Variants in GTF2H3 observed in about 807,000 individuals in gnomAD.
The protein encoded by GTF2H3 is TFIIH basal transcription factor complex p34 subunit.
Under a neutral mutation model 51.1 loss-of-function variants are expected in GTF2H3, and 42 were observed. The ratio of observed to expected loss-of-function variants is 0.82; its 90% CI spans 0.64 to 1.06. The LOEUF (loss-of-function observed/expected upper bound fraction) is 1.06, where lower values mean the gene tolerates loss of function less well. Ranked by LOEUF, GTF2H3 falls within the 50% of genes least tolerant of loss-of-function variation. The pLI is 0.00. For synonymous variants in GTF2H3, 123 were observed against 123.8 expected (o/e 0.99, Z 0.04); for missense variants, 326 against 366.1 (o/e 0.89, Z 0.89).
chr12:123,633,935 TG>T, intron 1 of GTF2H3, 63 bp downstream of exon 1: 1 of 1,553,836 alleles, frequency 6.4e-7, no homozygotes, highest in Non-Finnish European at 8.9e-7. Flanking sequence ...CGGCTACGAC[TG>T]GCCAGATGGA....
chr12:123,641,526 C>T (rs1382400568), intron 2 of GTF2H3, among the ~76,000 whole-genome samples: 3 of 144,282 alleles, frequency 2.1e-5, no homozygotes, highest in African/African-American at 5.5e-5. Flanking sequence ...TGTCTGCCCC[C>T]GTTTTTTTTT....
chr12:123,654,323 G>T (rs998465662), intron 7 of GTF2H3, among the ~76,000 whole-genome samples: 3 of 150,080 alleles, frequency 2.0e-5, no homozygotes, highest in Admixed American at 6.7e-5. Context: ...GTATTTGGTT[G>T]TGTGTGTGTG....
Position 123,661,528 on chromosome 12 carries a change from C to T in GTF2H3, c.*1293C>T, listed in dbSNP as rs1242153372. On this transcript the variant is annotated 3_prime_UTR_variant, in exon 13 of 13. Transcript: ENST00000543341. ...AAGTAGCAGGTGCCTGTAGTTCCAG[C>T]TACTCGGGAGGCTGAGGCAAGAGAA... The T allele has an allele frequency of 6.6e-6, 1 of 151,964 alleles. No homozygotes were observed. The allele number at this position is 151,964 out of a possible 1,614,324, so 9.4% of individuals were successfully genotyped here.
At chr12:123,643,296 C>T (rs1193547730) in intron 2 of GTF2H3, among the ~76,000 whole-genome samples, 1 of 152,176 alleles carries the variant, frequency 6.6e-6, no homozygotes, top group Non-Finnish European at 1.5e-5. Context: ...GTGCATTTTA[C>T]TGTTATTTGT....
chr12:123,648,202 G>A (rs1955475654), intron 4 of GTF2H3, 76 bp downstream of exon 4: 2 of 972,342 alleles, frequency 2.1e-6, no homozygotes, highest in African/African-American at 1.6e-5. Flanking sequence ...GTTCAAAGAT[G>A]TGAGGTTCTT....
chr12:123,662,589 A>AATTTAT lies in GTF2H3; in HGVS notation c.*2356_*2357insTTATAT, dbSNP rs1955670964. The AATTTAT allele has an allele frequency of 6.6e-6, 1 of 152,070 alleles. No homozygotes were observed. The highest frequency in any genetic ancestry group is 1.5e-5 in the Non-Finnish European group (1 of 68,016). 9.4% of individuals were successfully genotyped at this position (152,070 alleles called of 1,614,324 possible). A position where few individuals can be genotyped will look rare whatever the true frequency, so the allele number is the denominator to read the frequency against. ...TATTTTATATAAATTTTTACAATAA[A>AATTTAT]ATAATTTGATTTTCATATTTGGTTG... On this transcript the variant is annotated 3_prime_UTR_variant, in exon 13 of 13. Coordinates refer to ENST00000543341, the MANE Select transcript of GTF2H3 (RefSeq NM_001516.5).
At chr12:123,654,803 CAA>C (rs1955566044) in intron 7 of GTF2H3, 119 bp from the exon 8 acceptor site, 1 of 717,322 alleles carries the variant, frequency 1.4e-6, no homozygotes, top group African/African-American at 1.8e-5. Context: ...TATCATTTAA[CAA>C]TGATAAATGG....
chr12:123,658,593 A>T (rs954922457), intron 9 of GTF2H3, among the ~76,000 whole-genome samples: 1 of 152,178 alleles, frequency 6.6e-6, no homozygotes, highest in Non-Finnish European at 1.5e-5. Context: ...TGGCCTCCCA[A>T]AGTGCTGGGA....
chr12:123,652,315 T>C (rs1033238834), intron 5 of GTF2H3, among the ~76,000 whole-genome samples: 3 of 152,124 alleles, frequency 2.0e-5, no homozygotes, highest in Non-Finnish European at 2.9e-5. Context: ...GGGACAGAGA[T>C]TATATTTTGG....
intron 9 of GTF2H3, among the ~76,000 whole-genome samples, chr12:123,658,710 C>A (rs1258980305): frequency 4.6e-5 from 7 of 152,060 alleles, no homozygotes; most frequent in Non-Finnish European, 8.8e-5. Context: ...TAACAAAATA[C>A]AATGAAAACA....
intron 9 of GTF2H3, among the ~76,000 whole-genome samples, chr12:123,659,173 T>TA (rs1955622648): frequency 6.6e-6 from 1 of 152,112 alleles, no homozygotes; most frequent in Non-Finnish European, 1.5e-5. Context: ...AGCATAGAAT[T>TA]ACCATGTGAC....
intron 7 of GTF2H3, among the ~76,000 whole-genome samples, chr12:123,653,775 A>G (rs1955549140): frequency 6.6e-6 from 1 of 152,114 alleles, no homozygotes; most frequent in South Asian, 2.1e-4. Context: ...TGGGTTGCTG[A>G]TAGGAGGATA....
chr12:123,654,753 G>T (rs757243566), intron 7 of GTF2H3, among the ~76,000 whole-genome samples, 171 bp from the exon 8 acceptor site: 2 of 152,182 alleles, frequency 1.3e-5, no homozygotes, highest in Non-Finnish European at 2.9e-5. Flanking sequence ...CGTGGAGCGG[G>T]ATTTCGGGGG....
At position 123,655,754 on chromosome 12, in the gene GTF2H3, C is replaced by G. The variant is rs766201122; in HGVS notation, c.562-17C>G. On this transcript the variant is annotated splice_polypyrimidine_tract_variant and intron_variant, in intron 8 of 12. Coordinates refer to ENST00000543341, the MANE Select transcript of GTF2H3 (RefSeq NM_001516.5). ...ATTGTTATTATTCCTGTAATATTTT[C>G]AAAATGTTTCTTTTAGAATATTTTG... 4 of 1,489,050 alleles carry G rather than the reference C, an allele frequency of 2.7e-6. No homozygotes were observed. Among genetic ancestry groups the G allele is most frequent in the Non-Finnish European group, 3.7e-6 (4 of 1,068,056 alleles). The allele number at this position is 1,489,050 out of a possible 1,614,324, so 92.2% of individuals were successfully genotyped here.
intron 9 of GTF2H3, among the ~76,000 whole-genome samples, chr12:123,658,804 T>C (rs1955617744): frequency 6.6e-6 from 1 of 152,110 alleles, no homozygotes; most frequent in Admixed American, 6.5e-5. Flanking sequence ...TATTTGCAAA[T>C]GATGTATCTG....
At chr12:123,634,454 A>C (rs1469528593) in intron 1 of GTF2H3, among the ~76,000 whole-genome samples, 1 of 152,238 alleles carries the variant, frequency 6.6e-6, no homozygotes, top group Non-Finnish European at 1.5e-5. Context: ...AAAATTAAAA[A>C]ATAAATTATT....
chr12:123,650,352 G>C (rs1474489791), intron 4 of GTF2H3: 1 of 152,322 alleles, frequency 6.6e-6, no homozygotes, highest in Admixed American at 6.5e-5. Flanking sequence ...AGCACGGAGA[G>C]TGATGGGAAG....
intron 3 of GTF2H3, 46 bp downstream of exon 3, chr12:123,645,607 TGA>T: frequency 1.0e-6 from 1 of 974,044 alleles, no homozygotes; most frequent in Non-Finnish European, 1.7e-6. Flanking sequence ...TTAATATTCA[TGA>T]GTTTTCTGTG....
At chr12:123,644,086 C>G (rs1050232377) in intron 2 of GTF2H3, among the ~76,000 whole-genome samples, 10 of 152,060 alleles carry the variant, frequency 6.6e-5, no homozygotes, top group African/African-American at 2.4e-4. Flanking sequence ...CTGCCTCGGC[C>G]TCCCAAAGTG....
Sources: gnomAD v4.1 joint callset for allele counts (sites outside exome capture counted in the v4.1 genomes callset) on GRCh38, gnomAD v4.1.1 for gene constraint, MANE v1.5 for transcripts, NCBI Gene and HGNC (gene_info 2026-07-23, HGNC 2026-07-21) for gene names.